The following SNED1 variants were observed in gnomAD, a reference collection of about 807,000 sequenced individuals.
SNED1 encodes the protein sushi, nidogen and EGF like domains 1, also known as sushi, nidogen and EGF-like domain-containing protein 1.
In SNED1, 81 loss-of-function variants were observed where a neutral mutation model predicts 166.7. The ratio of observed to expected loss-of-function variants is 0.49; its 90% CI spans 0.41 to 0.58. The LOEUF (loss-of-function observed/expected upper bound fraction) is 0.58. SNED1 is among the 20% of genes least tolerant of loss of function. SNED1 has a pLI of 0.00. For synonymous variants in SNED1, 762 were observed against 822.0 expected, an observed-to-expected ratio of 0.93 and a Z score of 1.25; for missense variants, 1,604 against 2,000.2, an observed-to-expected ratio of 0.80 and a Z score of 3.78.
In SNED1 at chr2:241,000,639, C is replaced by T. The variant is rs530498291; in HGVS notation, c.213+1589C>T. ...TTAAAATGGTTAACCCACTTAACAG[C>T]CTCACCAAAAACATCTGCCCTTGCC... On this transcript the variant is annotated intron_variant, in intron 1 of 31. Transcript: ENST00000310397. 2.6e-5 allele frequency among the ~76,000 whole-genome samples: 4 copies of T among 152,338 alleles called. No homozygotes were observed. The East Asian group carries it at 7.7e-4, about 29-fold the overall frequency.
chr2:241,065,672 G>A, intron 21 of SNED1, 77 bp downstream of exon 21: 2 of 1,312,278 alleles, frequency 1.5e-6, no homozygotes, highest in South Asian at 1.3e-5. Flanking sequence ...CACCTGCAGG[G>A]CGGCTGTCAT....
chr2:241,087,318 A>G, intron 29 of SNED1, 74 bp from the exon 30 acceptor site: 18 of 1,420,600 alleles, frequency 1.3e-5, no homozygotes, highest in Non-Finnish European at 1.6e-5. Context: ...CTGTGGGTTC[A>G]CATAGCCTAG....
At chr2:241,050,408 G>A (rs1164466980) in intron 12 of SNED1, among the ~76,000 whole-genome samples, 1 of 152,066 alleles carries the variant, frequency 6.6e-6, no homozygotes, top group Non-Finnish European at 1.5e-5. Context: ...GCAACAGTCA[G>A]GACTCCCATC....
chr2:241,059,480 C>A (rs1047122776), intron 16 of SNED1, among the ~76,000 whole-genome samples: 3 of 152,182 alleles, frequency 2.0e-5, no homozygotes. Context: ...ACAGACACTA[C>A]AAAATTTGAA....
intron 8 of SNED1, among the ~76,000 whole-genome samples, chr2:241,046,173 C>T (rs2061642360): frequency 6.6e-6 from 1 of 151,608 alleles, no homozygotes; most frequent in Non-Finnish European, 1.5e-5. Flanking sequence ...GGTGTAGATA[C>T]AGAGCAACTG....
At position 241,068,869 on chromosome 2, in the gene SNED1, C is replaced by A; in HGVS notation, c.3195-42C>A. ...TCTGGCAGCAGAGTCACACACAGGT[C>A]CCAGACATCCCTGTTCTCTCTTTGT... On this transcript the variant is annotated intron_variant, in intron 22 of 31. Coordinates refer to ENST00000310397, the MANE Select transcript of SNED1 (RefSeq NM_001080437.3). The surrounding 1 kb of genome is among the most constrained non-coding windows in gnomAD (Gnocchi z 5.3). The A allele has an allele frequency of 7.3e-7, 1 of 1,373,552 alleles. No individual in the cohort carries two copies. Among genetic ancestry groups the A allele is most frequent in the Non-Finnish European group, 1.0e-6 (1 of 993,854 alleles). The allele number at this position is 1,373,552 out of a possible 1,614,324, so 85.1% of individuals were successfully genotyped here. A position where few individuals can be genotyped will look rare whatever the true frequency, so the allele number is the denominator to read the frequency against.
Position 241,018,107 on chromosome 2 carries a change from C to G in SNED1, c.214-12177C>G, listed in dbSNP as rs1270235717. 6.6e-6 allele frequency among the ~76,000 whole-genome samples: 1 copy of G among 152,206 alleles called. No homozygotes were observed. Among genetic ancestry groups the G allele is most frequent in the Non-Finnish European group, 1.5e-5 (1 of 68,044 alleles). On this transcript the variant is annotated intron_variant, in intron 1 of 31. Coordinates refer to ENST00000310397, the MANE Select transcript of SNED1 (RefSeq NM_001080437.3). This position sits in a 1 kb window ranked among gnomAD's most constrained non-coding sequence, Gnocchi z 5.4. ...ACTCCCTCCCAGGTAACACGCAACC[C>G]GAGTAGCTCTGTCTGAGAACCGCCA...
intron 1 of SNED1, among the ~76,000 whole-genome samples, chr2:241,001,475 G>C (rs2060075998): frequency 6.6e-6 from 1 of 152,212 alleles, no homozygotes; most frequent in East Asian, 1.9e-4. Context: ...AAGTCGTAAG[G>C]CTCTGAAAAG....
intron 6 of SNED1, among the ~76,000 whole-genome samples, chr2:241,039,008 G>A (rs1360766269): frequency 2.0e-5 from 3 of 152,224 alleles, no homozygotes; most frequent in African/African-American, 2.4e-5. Flanking sequence ...CAGGTCTTGG[G>A]TCTGCAGCAT....
chr2:241,036,047 T>C (rs1353141144), intron 4 of SNED1, among the ~76,000 whole-genome samples: 12 of 5,586 alleles, frequency 2.1e-3, no homozygotes, highest in African/African-American at 0.015. Flanking sequence ...GGGTGGGGGG[T>C]GGAGGTGCGT....
At chr2:241,052,806 G>C (rs940865835) in intron 15 of SNED1, among the ~76,000 whole-genome samples, 1 of 126,858 alleles carries the variant, frequency 7.9e-6, no homozygotes, top group Non-Finnish European at 1.6e-5. Flanking sequence ...GGCCTGGGGG[G>C]CCCAAGCAGG....
intron 2 of SNED1, among the ~76,000 whole-genome samples, chr2:241,032,544 G>T (rs535868354): frequency 7.8e-4 from 118 of 151,926 alleles, no homozygotes; most frequent in African/African-American, 2.3e-3. Flanking sequence ...AAATGACTAG[G>T]TAATGGGTGC....
rs572325828 is a variant in SNED1 at position 241,018,515 on chromosome 2, G to A, written c.214-11769G>A. On this transcript the variant is annotated intron_variant, in intron 1 of 31. Transcript: ENST00000310397. This position sits in a 1 kb window ranked among gnomAD's most constrained non-coding sequence, Gnocchi z 5.4. Reference sequence around the variant, plus strand: ...GGGGTCTAAGGTGGTCCCTGGTCAGGAGCCGGGACTGGCGTTCTCTCTCTT... The same window carrying A: ...GGGGTCTAAGGTGGTCCCTGGTCAGAAGCCGGGACTGGCGTTCTCTCTCTT... 6.6e-6 allele frequency among the ~76,000 whole-genome samples: 1 copy of A among 152,330 alleles called. No individual in the cohort carries two copies. The highest frequency in any genetic ancestry group is 2.1e-4 in the South Asian group (1 of 4,828).
chr2:241,072,001 G>T, intron 26 of SNED1, 123 bp downstream of exon 26: 1 of 875,472 alleles, frequency 1.1e-6, no homozygotes, highest in South Asian at 1.4e-5. Flanking sequence ...TCCAGCCAGT[G>T]ACCCCCACCC....
chr2:241,052,527 A>G (rs1157123249), intron 15 of SNED1, 59 bp downstream of exon 15: 1 of 1,277,394 alleles, frequency 7.8e-7, no homozygotes, highest in African/African-American at 1.9e-5. Context: ...GGCAGGTGAG[A>G]TGGCCAGGGC....
chr2:241,034,010 T>G (rs2061266998), intron 3 of SNED1, 135 bp downstream of exon 3: 1 of 1,096,506 alleles, frequency 9.1e-7, no homozygotes, highest in South Asian at 1.7e-5. Context: ...ACGAGAGACA[T>G]CCACAACCAT....
Position 241,071,868 on chromosome 2 carries a change from C to G in SNED1, c.3807C>G (p.Thr1269=). Residue 1269 remains threonine, a synonymous_variant, in exon 26 of 32, where the codon ACC becomes ACG. Transcript: ENST00000310397. ...GTGGCTCACCCAGCAAAGCAGCCAC[C>G]GTGAGATCACGTGAGTGCCAGGGCC... The part of the protein sequence containing the change: ...RFGGSPSKAA[T]VRSQPTASAQ... 10 of 1,600,550 alleles carry G rather than the reference C, an allele frequency of 6.2e-6. No individual in the cohort carries two copies. Among genetic ancestry groups the G allele is most frequent in the Non-Finnish European group, 8.5e-6 (10 of 1,174,278 alleles).
Position 241,069,844 on chromosome 2 carries a change from C to G in SNED1, c.3308-76C>G. 6.6e-7 allele frequency: 1 copy of G among 1,522,792 alleles called. No individual in the cohort carries two copies. The highest frequency in any genetic ancestry group is 8.9e-7 in the Non-Finnish European group (1 of 1,124,800). 94.3% of individuals were successfully genotyped at this position (1,522,792 alleles called of 1,614,324 possible). A position where few individuals can be genotyped will look rare whatever the true frequency, so the allele number is the denominator to read the frequency against. ...CCAGCAAGGCTGCGGCAGCCCATGT[C>G]CGGTTCTCAAACCGTGTTCTTGCCA... On this transcript the variant is annotated intron_variant, in intron 23 of 31. Transcript: ENST00000310397. This position sits in a 1 kb window ranked among gnomAD's most constrained non-coding sequence, Gnocchi z 4.9.
In SNED1 at chr2:241,068,953, C is replaced by G; in HGVS notation, c.3237C>G (p.Thr1079=). 6.4e-7 allele frequency: 1 copy of G among 1,556,116 alleles called. No homozygotes were observed. The highest frequency in any genetic ancestry group is 8.7e-7 in the Non-Finnish European group (1 of 1,150,110). Residue 1079 remains threonine, a synonymous_variant, in exon 23 of 32, where the codon ACC becomes ACG. Coordinates refer to ENST00000310397, the MANE Select transcript of SNED1 (RefSeq NM_001080437.3). The surrounding 1 kb of genome is among the most constrained non-coding windows in gnomAD (Gnocchi z 5.3). ...PGKRYTIQLT[T]LSGLRGEEHP... ...AGAGGTACACCATCCAGCTGACCAC[C>G]CTCAGTGGGCTCAGGGGAGAGGAGC...
Sources: allele counts gnomAD v4.1 joint callset (sites outside exome capture counted in the v4.1 genomes callset), GRCh38; gene constraint gnomAD v4.1.1; non-coding constraint Gnocchi (gnomAD v3.1); transcripts MANE v1.5; gene names NCBI Gene and HGNC (gene_info 2026-07-23, HGNC 2026-07-21).